Variants in DMRT1 observed in about 807,000 individuals in gnomAD.
The protein encoded by DMRT1 is doublesex and mab-3 related transcription factor 1.
DMRT1 carries 7 observed loss-of-function variants against 32.3 expected under a neutral mutation model. That is an observed-to-expected ratio of 0.22 (90% CI 0.12 to 0.41). The LOEUF is 0.41. DMRT1 is among the 10% of genes least tolerant of loss of function. The probability of loss-of-function intolerance (pLI) is 1.00; values close to 1 mark genes in which losing one functional copy is unlikely to be tolerated. For synonymous variants in DMRT1, 278 were observed against 206.1 expected, an observed-to-expected ratio of 1.35 and a Z score of -2.99; for missense variants, 625 against 500.5, an observed-to-expected ratio of 1.25 and a Z score of -2.37.
chr9:900,686 A>ATT (rs531727921), intron 3 of DMRT1, among the ~76,000 whole-genome samples: 3 of 144,252 alleles, frequency 2.1e-5, no homozygotes, highest in East Asian at 2.0e-4. Context: ...AATCTACTTA[A>ATT]TTTTTTTTTT....
At chr9:880,161 A>G (rs1816674292) in intron 2 of DMRT1, among the ~76,000 whole-genome samples, 2 of 152,176 alleles carry the variant, frequency 1.3e-5, no homozygotes, top group South Asian at 2.1e-4. Flanking sequence ...CTCTTCCAGG[A>G]TATGGTGTTC....
chr9:877,083 A>G (rs184838598), intron 2 of DMRT1, among the ~76,000 whole-genome samples: 29 of 152,094 alleles, frequency 1.9e-4, no homozygotes, highest in African/African-American at 5.8e-4. Context: ...AATTACCTCC[A>G]AGGACTTCTC....
chr9:956,174 C>T (rs147788616), intron 4 of DMRT1, among the ~76,000 whole-genome samples: 21 of 152,224 alleles, frequency 1.4e-4, no homozygotes, highest in Non-Finnish European at 2.5e-4. Flanking sequence ...CAGACACAAA[C>T]GGACAAATAC....
intron 3 of DMRT1, chr9:894,872 G>A (rs1347031215): frequency 1.3e-5 from 2 of 153,940 alleles, no homozygotes; most frequent in Non-Finnish European, 2.9e-5. Context: ...GGAGTGCAGT[G>A]GTAGGATCTC....
intron 2 of DMRT1, among the ~76,000 whole-genome samples, chr9:882,041 C>T (rs78889494): frequency 6.6e-6 from 1 of 152,156 alleles, no homozygotes. Context: ...AAATCTGACT[C>T]TCATTGTAGG....
intron 2 of DMRT1, among the ~76,000 whole-genome samples, chr9:871,785 T>C (rs1168383742): frequency 6.6e-6 from 1 of 151,222 alleles, no homozygotes; most frequent in Admixed American, 6.6e-5. Flanking sequence ...GCCTAGTCTT[T>C]GAACTCTTAA....
chr9:880,304 A>G (rs1359352621), intron 2 of DMRT1, among the ~76,000 whole-genome samples: 3 of 152,154 alleles, frequency 2.0e-5, no homozygotes, highest in Non-Finnish European at 4.4e-5. Flanking sequence ...ACTCTGAGGT[A>G]CAGATTTGAT....
chr9:858,674 G>C (rs1564201173), intron 2 of DMRT1, among the ~76,000 whole-genome samples: 1 of 151,936 alleles, frequency 6.6e-6, no homozygotes, highest in Admixed American at 6.6e-5. Flanking sequence ...AGGAGTTCGA[G>C]ACCAGCCTGA....
At chr9:895,950 A>G (rs58441162) in intron 3 of DMRT1, among the ~76,000 whole-genome samples, 6,241 of 151,552 alleles carry the variant, frequency 0.041, 186 homozygotes, top group African/African-American at 0.088. Context: ...GACTACAGGC[A>G]CGCGCCACCA....
chr9:868,842 C>T (rs2132601330), intron 2 of DMRT1, among the ~76,000 whole-genome samples: 1 of 152,076 alleles, frequency 6.6e-6, no homozygotes, highest in South Asian at 2.1e-4. Context: ...AAGCCCCATT[C>T]CTACAAAAAA....
chr9:847,256 G>A (rs1361395169), intron 2 of DMRT1, 113 bp downstream of exon 2: 4 of 1,167,102 alleles, frequency 3.4e-6, no homozygotes, highest in Non-Finnish European at 4.8e-6. Context: ...GAGCTTAGAG[G>A]ATTCTGTAGA....
At chr9:885,821 T>C (rs1174885007) in intron 2 of DMRT1, among the ~76,000 whole-genome samples, 1 of 152,162 alleles carries the variant, frequency 6.6e-6, no homozygotes, top group Non-Finnish European at 1.5e-5. Context: ...CCCACTTCTG[T>C]ATCAGATCTA....
At position 897,118 on chromosome 9, in the gene DMRT1, TATTA is replaced by T. The variant is rs1464099234; in HGVS notation, c.822+2924_822+2927del. 4.6e-4 allele frequency among the ~76,000 whole-genome samples: 68 copies of T among 149,292 alleles called. No homozygotes were observed. The South Asian group carries it at 7.2e-3, about 16-fold the overall frequency. On this transcript the variant is annotated intron_variant, in intron 3 of 4. Transcript: ENST00000382276. ...TTATTATTATTATTATTATTATTAT[TATTA>T]TTATTTTTGAGACAGATTCTCGCTC...
At chr9:907,227 A>C (rs1649472787) in intron 3 of DMRT1, among the ~76,000 whole-genome samples, 2 of 152,166 alleles carry the variant, frequency 1.3e-5, no homozygotes. Flanking sequence ...AACCTTTTTA[A>C]TTTCCTTTCT....
At chr9:897,756 T>C (rs557721173) in intron 3 of DMRT1, among the ~76,000 whole-genome samples, 192 of 151,868 alleles carry the variant, frequency 1.3e-3, no homozygotes, top group African/African-American at 4.5e-3. Context: ...ATTGAGTTCT[T>C]GACTGTTTGT....
intron 2 of DMRT1, among the ~76,000 whole-genome samples, chr9:890,737 C>G (rs544843591): frequency 6.6e-6 from 1 of 152,178 alleles, no homozygotes; most frequent in South Asian, 2.1e-4. Flanking sequence ...TTATTTGAGA[C>G]AGAGTCTCAT....
At position 916,645 on chromosome 9, in the gene DMRT1, C is replaced by CAT. The variant is rs1324066016; in HGVS notation, c.823-116_823-115dup. ...CCCTGGCCTCCCAAGGTGTCGGGAA[C>CAT]ATAGGCATGAGCCACTGTGCCCAGC... On this transcript the variant is annotated intron_variant, in intron 3 of 4. Transcript: ENST00000382276. The CAT allele has an allele frequency of 8.6e-6, 11 of 1,282,318 alleles. No homozygotes were observed. The East Asian group carries it at 2.6e-4, about 31-fold the overall frequency. 79.4% of individuals were successfully genotyped at this position (1,282,318 alleles called of 1,614,324 possible).
intron 2 of DMRT1, among the ~76,000 whole-genome samples, chr9:856,447 A>G (rs1815405285): frequency 6.6e-6 from 1 of 152,174 alleles, no homozygotes; most frequent in Non-Finnish European, 1.5e-5. Flanking sequence ...GTCTCTACAG[A>G]GGTGTCTATT....
At chr9:853,517 G>T (rs1321586393) in intron 2 of DMRT1, among the ~76,000 whole-genome samples, 1 of 149,838 alleles carries the variant, frequency 6.7e-6, no homozygotes, top group Non-Finnish European at 1.5e-5. Flanking sequence ...TTGTCTCCCA[G>T]GCTGGGGTGT....
Sources: allele counts gnomAD v4.1 joint callset (sites outside exome capture counted in the v4.1 genomes callset), GRCh38; gene constraint gnomAD v4.1.1; transcripts MANE v1.5; gene names NCBI Gene and HGNC (gene_info 2026-07-23, HGNC 2026-07-21).